Variants in TRPM7 observed in about 807,000 individuals in gnomAD.
The protein encoded by TRPM7 is LTRPC ion channel family member 7.
A neutral mutation model predicts 229.7 loss-of-function variants in TRPM7; 134 were observed. The ratio of observed to expected loss-of-function variants is 0.58; its 90% CI spans 0.51 to 0.67. The LOEUF (loss-of-function observed/expected upper bound fraction) is 0.67, where lower values mean the gene tolerates loss of function less well. TRPM7 is among the 30% of genes least tolerant of loss of function. TRPM7 has a pLI of 0.00. For synonymous variants in TRPM7, 699 were observed against 715.2 expected, an observed-to-expected ratio of 0.98 and a Z score of 0.36; for missense variants, 1,901 against 2,210.0, an observed-to-expected ratio of 0.86 and a Z score of 2.80.
At chr15:50,682,456 T>C (rs576157022) in intron 1 of TRPM7, among the ~76,000 whole-genome samples, 6 of 151,590 alleles carry the variant, frequency 4.0e-5, no homozygotes, top group Non-Finnish European at 7.4e-5. Context: ...TGTGTGCCTG[T>C]AATCCCAGCT....
Position 50,576,904 on chromosome 15 carries a change from T to C in TRPM7, c.4619-985A>G, listed in dbSNP as rs2054160881. On this transcript the variant is annotated intron_variant, in intron 31 of 38. Coordinates refer to ENST00000646667, the MANE Select transcript of TRPM7 (RefSeq NM_017672.6). ...GAAAGACTGCTTTGGGGCCAGGAGTTCAAGACCAGCCTGGATAACATGGCA... is the reference window on the plus strand; with the variant it reads ...GAAAGACTGCTTTGGGGCCAGGAGTCCAAGACCAGCCTGGATAACATGGCA... 2.0e-5 allele frequency among the ~76,000 whole-genome samples: 3 copies of C among 151,992 alleles called. No individual in the cohort carries two copies. The South Asian group carries it at 6.2e-4, about 32-fold the overall frequency.
chr15:50,649,452 G>C (rs966899848), intron 3 of TRPM7, among the ~76,000 whole-genome samples: 6 of 144,514 alleles, frequency 4.2e-5, no homozygotes, highest in Admixed American at 1.4e-4. Flanking sequence ...AAAAAAAAAA[G>C]AAAGAAAGAA....
At chr15:50,596,468 T>G in intron 22 of TRPM7, 87 bp from the exon 23 acceptor site, 2 of 1,049,910 alleles carry the variant, frequency 1.9e-6, no homozygotes, top group Non-Finnish European at 2.6e-6. Context: ...TTCTGGTTAT[T>G]TATTTACTTA....
chr15:50,655,633 G>A (rs2061545561), intron 3 of TRPM7, among the ~76,000 whole-genome samples: 2 of 151,976 alleles, frequency 1.3e-5, no homozygotes, highest in African/African-American at 4.8e-5. Context: ...CACACAGGAA[G>A]ACAACTACTG....
Position 50,614,155 on chromosome 15 carries a change from A to T in TRPM7, c.1603T>A (p.Leu535Ile). The T allele has an allele frequency of 6.2e-7, 1 of 1,611,524 alleles. No homozygotes were observed. The highest frequency in any genetic ancestry group is 2.2e-5 in the East Asian group (1 of 44,836). ...TTTCCACCAAGACTATTATATATTA[A>T]TCGAAAACGTTTCCTAGTATAGGTG... is the stretch of plus-strand genomic sequence containing the variant. ...RCTYTRKRFR[L>I]IYNSLGGNNR... The change falls in exon 14 of 39, where the codon TTA (leucine) becomes ATA (isoleucine). Residue 535 changes from leucine to isoleucine, a missense_variant. Leu to Ile is a conservative substitution (Grantham distance 5). Transcript: ENST00000646667.
At chr15:50,633,122 G>A in intron 8 of TRPM7, 130 bp from the exon 9 acceptor site, 2 of 718,570 alleles carry the variant, frequency 2.8e-6, no homozygotes, top group South Asian at 4.2e-5. Context: ...ACCTTGGGTG[G>A]GATTATTTCT....
At chr15:50,605,273 C>CTCTGTCTCAAA in intron 20 of TRPM7, 129 bp from the exon 21 acceptor site, 3 of 861,438 alleles carry the variant, frequency 3.5e-6, no homozygotes, top group Non-Finnish European at 5.1e-6. Flanking sequence ...TATTTTGAGA[C>CTCTGTCTCAAA]AGAGTCTCGC....
chr15:50,679,536 ATATTTT>A (rs1353189484), intron 1 of TRPM7, among the ~76,000 whole-genome samples: 13,516 of 48,750 alleles, frequency 0.28, 1,087 homozygotes, highest in East Asian at 0.48. Flanking sequence ...ATATATATAT[ATATTTT>A]TTTTTTTTTT....
At position 50,587,752 on chromosome 15, in the gene TRPM7, G is replaced by A. The variant is rs542984951; in HGVS notation, c.4390-1264C>T. 3.3e-5 allele frequency among the ~76,000 whole-genome samples: 5 copies of A among 152,268 alleles called. 1 individual carries two copies. In the South Asian group the frequency reaches 1.0e-3, roughly 32 times the overall value. On this transcript the variant is annotated intron_variant, in intron 27 of 38. Coordinates refer to ENST00000646667, the MANE Select transcript of TRPM7 (RefSeq NM_017672.6). The stretch of plus-strand genomic sequence containing the variant: ...TAATTTGTGTAAAGAAAAAGAAAAT[G>A]TGATGAACTTAGGTTTAAATAATTC...
intron 19 of TRPM7, among the ~76,000 whole-genome samples, 194 bp downstream of exon 19, chr15:50,609,387 A>C (rs564185584): frequency 1.3e-5 from 2 of 152,264 alleles, no homozygotes. Context: ...TCCAATTAGA[A>C]CTAAAATTTG....
chr15:50,627,998 C>A, intron 11 of TRPM7, 151 bp downstream of exon 11: 2 of 606,928 alleles, frequency 3.3e-6, no homozygotes, highest in South Asian at 4.1e-5. Flanking sequence ...AAATCCTAAA[C>A]TGGATCGGAA....
chr15:50,634,702 T>C (rs1452825797), intron 7 of TRPM7, 146 bp from the exon 8 acceptor site: 4 of 574,134 alleles, frequency 7.0e-6, no homozygotes, highest in African/African-American at 2.0e-5. Context: ...TCTAAGACTA[T>C]GTTGACTTGA....
intron 5 of TRPM7, among the ~76,000 whole-genome samples, chr15:50,642,026 A>G (rs1163329287): frequency 6.6e-6 from 1 of 151,912 alleles, no homozygotes; most frequent in Non-Finnish European, 1.5e-5. Flanking sequence ...GTTGCTGATA[A>G]TGAATTAGAT....
Position 50,596,165 on chromosome 15 carries a change from T to C in TRPM7, c.3290+90A>G, listed in dbSNP as rs1287776677. 7 of 936,410 alleles carry C rather than the reference T, an allele frequency of 7.5e-6. No homozygotes were observed. In the African/African-American group the frequency reaches 1.2e-4, roughly 16 times the overall value. The allele number at this position is 936,410 out of a possible 1,614,324, so 58.0% of individuals were successfully genotyped here. A position where few individuals can be genotyped will look rare whatever the true frequency, so the allele number is the denominator to read the frequency against. Reference sequence around the variant, plus strand: ...TAGTAGTTTAAGCCTCAATAAAATTTTTAGATTTTAAGTTCTATAAATTTC... The same window carrying C: ...TAGTAGTTTAAGCCTCAATAAAATTCTTAGATTTTAAGTTCTATAAATTTC... On this transcript the variant is annotated intron_variant, in intron 23 of 38. Coordinates refer to ENST00000646667, the MANE Select transcript of TRPM7 (RefSeq NM_017672.6).
rs781341597 is a variant in TRPM7, at chr15:50,631,508, A to G, written c.1132-19T>C. 2.0e-5 allele frequency: 31 copies of G among 1,515,708 alleles called. No individual in the cohort carries two copies. Among genetic ancestry groups the G allele is most frequent in the Admixed American group, 6.9e-5 (4 of 57,964 alleles). 93.9% of individuals were successfully genotyped at this position (1,515,708 alleles called of 1,614,324 possible). A position where few individuals can be genotyped will look rare whatever the true frequency, so the allele number is the denominator to read the frequency against. ...CAGTGATCTATTTAAAGATAAATTT[A>G]TAACATTATGCCTTTATATTTTTAA... On this transcript the variant is annotated intron_variant, in intron 9 of 38. Coordinates refer to ENST00000646667, the MANE Select transcript of TRPM7 (RefSeq NM_017672.6).
At chr15:50,612,522 G>A in intron 16 of TRPM7, 27 bp downstream of exon 16, 8 of 1,592,832 alleles carry the variant, frequency 5.0e-6, no homozygotes, top group Non-Finnish European at 6.0e-6. Context: ...TTTTTAAAAT[G>A]TTTTCAAATG....
intron 1 of TRPM7, among the ~76,000 whole-genome samples, chr15:50,674,804 G>C (rs1431311319): frequency 6.6e-6 from 1 of 152,112 alleles, no homozygotes. Flanking sequence ...AGTATTCTTG[G>C]ATAATGGGTT....
chr15:50,675,574 TA>T (rs1039623452), intron 1 of TRPM7, among the ~76,000 whole-genome samples: 2 of 151,770 alleles, frequency 1.3e-5, no homozygotes, highest in East Asian at 1.9e-4. Context: ...CACCTAATGA[TA>T]AAAAAAAGTT....
intron 38 of TRPM7, among the ~76,000 whole-genome samples, chr15:50,563,375 A>G (rs992868641): frequency 2.6e-5 from 4 of 152,246 alleles, no homozygotes; most frequent in African/African-American, 9.6e-5. Flanking sequence ...GAAGGTTTTA[A>G]GCAGTCTCAA....
Sources: gnomAD v4.1 joint callset for allele counts (sites outside exome capture counted in the v4.1 genomes callset) on GRCh38, gnomAD v4.1.1 for gene constraint, MANE v1.5 for transcripts, NCBI Gene and HGNC (gene_info 2026-07-23, HGNC 2026-07-21) for gene names.